KCNQ5: variants seen among roughly 807,000 people sequenced by gnomAD.
KCNQ5 encodes potassium voltage-gated channel subfamily Q member 5, also known as potassium voltage-gated channel subfamily KQT member 5.
KCNQ5 carries 30 observed loss-of-function variants against 98.2 expected under a neutral mutation model. That is an observed-to-expected ratio of 0.31 (90% CI 0.23 to 0.41). The LOEUF (loss-of-function observed/expected upper bound fraction) is 0.41, where lower values mean the gene tolerates loss of function less well. Among genes scored for constraint, KCNQ5 ranks in the 10% least tolerant of loss-of-function variants. The pLI is 1.00. For synonymous variants in KCNQ5, 458 were observed against 449.4 expected, an observed-to-expected ratio of 1.02 and a Z score of -0.24; for missense variants, 835 against 1,182.5, an observed-to-expected ratio of 0.71 and a Z score of 4.31.
intron 1 of KCNQ5, among the ~76,000 whole-genome samples, chr6:72,907,092 T>A (rs1779728649): frequency 6.6e-6 from 1 of 152,234 alleles, no homozygotes; most frequent in African/African-American, 2.4e-5. Flanking sequence ...TTTAGTGTAT[T>A]CCTTTGAATC....
intron 1 of KCNQ5, among the ~76,000 whole-genome samples, chr6:72,892,104 G>A (rs185945119): frequency 2.6e-4 from 39 of 152,234 alleles, no homozygotes; most frequent in African/African-American, 9.1e-4. Flanking sequence ...CAGAATGATG[G>A]ACAAAGATTT....
chr6:72,760,439 C>A (rs1020585485), intron 1 of KCNQ5, among the ~76,000 whole-genome samples: 1 of 131,616 alleles, frequency 7.6e-6, no homozygotes, highest in African/African-American at 3.1e-5. Flanking sequence ...TTGTTTTTTT[C>A]AGGAGTACGT....
At chr6:72,852,456 G>A (rs950540690) in intron 1 of KCNQ5, among the ~76,000 whole-genome samples, 4 of 150,648 alleles carry the variant, frequency 2.7e-5, no homozygotes, top group African/African-American at 7.3e-5. Flanking sequence ...CCTGTCATTT[G>A]CAACAACATG....
intron 1 of KCNQ5, among the ~76,000 whole-genome samples, chr6:72,674,109 G>T (rs928722955): frequency 3.3e-5 from 5 of 152,112 alleles, no homozygotes; most frequent in African/African-American, 1.2e-4. Flanking sequence ...AGACTGTACC[G>T]TGAATAGTAA....
At position 72,838,067 on chromosome 6, in the gene KCNQ5, A is replaced by G. The variant is rs547597017; in HGVS notation, c.399-165841A>G. On this transcript the variant is annotated intron_variant, in intron 1 of 13. Coordinates refer to ENST00000370398, the MANE Select transcript of KCNQ5 (RefSeq NM_019842.4). ...TGCTGCACCCACTAACTCTTCATTT[A>G]ACATTAGGTATAGCTCCTAATGCTA... 4.4e-3 allele frequency among the ~76,000 whole-genome samples: 669 copies of G among 150,374 alleles called. 3 individuals carry two copies. The highest frequency in any genetic ancestry group is 7.4e-3 in the Non-Finnish European group (500 of 67,588).
At chr6:72,935,544 T>G (rs1228896513) in intron 1 of KCNQ5, among the ~76,000 whole-genome samples, 2 of 152,220 alleles carry the variant, frequency 1.3e-5, no homozygotes, top group Non-Finnish European at 2.9e-5. Context: ...TTCTCTTCTT[T>G]GCATGATTAG....
intron 1 of KCNQ5, among the ~76,000 whole-genome samples, chr6:72,666,236 C>T (rs551775019): frequency 2.0e-5 from 3 of 152,168 alleles, no homozygotes; most frequent in African/African-American, 7.2e-5. Context: ...GAGAGATATA[C>T]ATCACGATAT....
intron 1 of KCNQ5, among the ~76,000 whole-genome samples, chr6:72,958,149 G>A (rs1362715983): frequency 1.3e-5 from 2 of 152,020 alleles, no homozygotes; most frequent in Non-Finnish European, 2.9e-5. Flanking sequence ...CATGGAAAGG[G>A]TTCCCTTATG....
rs1778911206 is a variant in KCNQ5, at chr6:72,887,992, TA to T, written c.399-115914del. ...CAGCCCACTTAAAAATATAACACAT[TA>T]ATATTAAAAATAAAATTGTGAGAAA... On this transcript the variant is annotated intron_variant, in intron 1 of 13. Transcript: ENST00000370398. Among the ~76,000 whole-genome samples the T allele has an allele frequency of 2.6e-5, 4 of 152,052 alleles. No homozygotes were observed. In the South Asian group the frequency reaches 8.3e-4, roughly 32 times the overall value.
At chr6:72,903,972 C>A (rs1048834718) in intron 1 of KCNQ5, among the ~76,000 whole-genome samples, 1 of 152,090 alleles carries the variant, frequency 6.6e-6, no homozygotes, top group African/African-American at 2.4e-5. Flanking sequence ...TATCTCATTT[C>A]TTAGGGCTAT....
intron 3 of KCNQ5, among the ~76,000 whole-genome samples, chr6:73,066,261 C>T (rs1562158072): frequency 6.6e-6 from 1 of 152,136 alleles, no homozygotes; most frequent in Non-Finnish European, 1.5e-5. Context: ...TACTTTACTT[C>T]TTGGAACTTC....
At chr6:72,987,217 A>G in intron 1 of KCNQ5, 1 of 691,038 alleles carries the variant, frequency 1.4e-6, no homozygotes, top group Non-Finnish European at 2.8e-6. Flanking sequence ...AAAAGGAAGA[A>G]AAAGAACAAG....
intron 1 of KCNQ5, among the ~76,000 whole-genome samples, chr6:72,979,081 T>A (rs757496318): frequency 6.6e-6 from 1 of 152,254 alleles, no homozygotes; most frequent in Non-Finnish European, 1.5e-5. Context: ...CTATCATTGA[T>A]GAATATTTGG....
intron 1 of KCNQ5, among the ~76,000 whole-genome samples, chr6:72,772,005 A>T (rs1225230407): frequency 1.3e-5 from 2 of 152,104 alleles, no homozygotes; most frequent in Non-Finnish European, 2.9e-5. Flanking sequence ...TTCTAACATG[A>T]TTCATAACCC....
At chr6:72,980,722 T>G (rs1768399024) in intron 1 of KCNQ5, among the ~76,000 whole-genome samples, 1 of 152,024 alleles carries the variant, frequency 6.6e-6, no homozygotes, top group East Asian at 1.9e-4. Context: ...TCAATAGGAG[T>G]GGTGAGAGAG....
chr6:72,875,816 A>T lies in KCNQ5; in HGVS notation c.399-128092A>T, dbSNP rs1226172878. ...CATCACTAATGTACCTGCTATCAAT[A>T]AACAAATATTAATTTTTTGTTATGA... On this transcript the variant is annotated intron_variant, in intron 1 of 13. Transcript: ENST00000370398. Among the ~76,000 whole-genome samples the T allele has an allele frequency of 2.0e-5, 3 of 152,206 alleles. No homozygotes were observed. The East Asian group carries it at 5.8e-4, about 29-fold the overall frequency.
At chr6:72,702,046 A>G (rs1381135757) in intron 1 of KCNQ5, among the ~76,000 whole-genome samples, 1 of 152,150 alleles carries the variant, frequency 6.6e-6, no homozygotes, top group Non-Finnish European at 1.5e-5. Context: ...AATAAACTCC[A>G]TGTTACATCT....
intron 1 of KCNQ5, among the ~76,000 whole-genome samples, chr6:72,640,443 C>G (rs751787538): frequency 1.6e-4 from 24 of 151,794 alleles, no homozygotes; most frequent in Non-Finnish European, 2.6e-4. Flanking sequence ...ATGTGTTCAA[C>G]GAATAAATAA....
intron 1 of KCNQ5, among the ~76,000 whole-genome samples, chr6:72,682,286 A>G (rs758630878): frequency 2.2e-4 from 34 of 152,134 alleles, no homozygotes; most frequent in Non-Finnish European, 4.7e-4. Context: ...TCCAATATCT[A>G]TTGTATCACA....
Sources: gnomAD v4.1 joint callset for allele counts (sites outside exome capture counted in the v4.1 genomes callset) on GRCh38, gnomAD v4.1.1 for gene constraint, MANE v1.5 for transcripts, NCBI Gene and HGNC (gene_info 2026-07-23, HGNC 2026-07-21) for gene names.